The following SIPA1L1 variants were observed in gnomAD, a reference collection of about 807,000 sequenced individuals.
The protein encoded by SIPA1L1 is signal induced proliferation associated 1 like 1, also known as signal-induced proliferation-associated 1-like protein 1.
A neutral mutation model predicts 162.7 loss-of-function variants in SIPA1L1; 26 were observed. That is an observed-to-expected ratio of 0.16 (90% CI 0.12 to 0.22). The LOEUF (loss-of-function observed/expected upper bound fraction) is 0.22. Ranked by LOEUF, SIPA1L1 falls within the 10% of genes least tolerant of loss-of-function variation. The pLI is 1.00. For synonymous variants in SIPA1L1, 829 were observed against 837.4 expected (o/e 0.99, Z 0.17); for missense variants, 1,874 against 2,241.0 (o/e 0.84, Z 3.31).
intron 2 of SIPA1L1, among the ~76,000 whole-genome samples, chr14:71,344,703 G>T (rs2035982123): frequency 6.6e-6 from 1 of 152,120 alleles, no homozygotes; most frequent in Non-Finnish European, 1.5e-5. Flanking sequence ...GGGACTGTAG[G>T]TGTGCGCCAC....
chr14:71,354,182 T>C (rs1161570889), intron 2 of SIPA1L1, among the ~76,000 whole-genome samples: 1 of 152,128 alleles, frequency 6.6e-6, no homozygotes, highest in African/African-American at 2.4e-5. Context: ...ATCATATCCT[T>C]AATCTTGCAA....
At chr14:71,326,222 T>A (rs1197381480) in intron 2 of SIPA1L1, among the ~76,000 whole-genome samples, 1 of 151,936 alleles carries the variant, frequency 6.6e-6, no homozygotes, top group Admixed American at 6.5e-5. Context: ...TTTTTTTTTT[T>A]TTTTGAGATG....
chr14:71,464,310 T>A (rs2046820495), intron 2 of SIPA1L1, among the ~76,000 whole-genome samples: 1 of 152,084 alleles, frequency 6.6e-6, no homozygotes, highest in Non-Finnish European at 1.5e-5. Context: ...GCAAATAAAC[T>A]ATTAGAACCT....
intron 4 of SIPA1L1, among the ~76,000 whole-genome samples, chr14:71,535,634 CAG>C (rs1276753122): frequency 6.6e-6 from 1 of 151,104 alleles, no homozygotes; most frequent in Non-Finnish European, 1.5e-5. Flanking sequence ...TCTTTTGAGA[CAG>C]AGTCTCAGTC....
At chr14:71,594,515 T>C (rs1022013762) in intron 5 of SIPA1L1, among the ~76,000 whole-genome samples, 3 of 152,258 alleles carry the variant, frequency 2.0e-5, no homozygotes, top group African/African-American at 7.2e-5. Flanking sequence ...CAGTGTTCTT[T>C]AAATATAATT....
intron 2 of SIPA1L1, among the ~76,000 whole-genome samples, chr14:71,396,669 G>A (rs1021095500): frequency 6.6e-6 from 1 of 152,040 alleles, no homozygotes; most frequent in Non-Finnish European, 1.5e-5. Flanking sequence ...TTGCTCTTAA[G>A]CATTAACCCT....
At chr14:71,471,951 G>A (rs551412178) in intron 2 of SIPA1L1, among the ~76,000 whole-genome samples, 7 of 152,348 alleles carry the variant, frequency 4.6e-5, no homozygotes, top group African/African-American at 1.7e-4. Context: ...ACATTTGGAG[G>A]TTGGGTAGAG....
At chr14:71,375,942 A>T (rs1413949956) in intron 2 of SIPA1L1, among the ~76,000 whole-genome samples, 1 of 152,090 alleles carries the variant, frequency 6.6e-6, no homozygotes, top group Non-Finnish European at 1.5e-5. Context: ...ATACCTTTTT[A>T]TATAGTATTG....
At chr14:71,425,179 GT>G (rs2043472994) in intron 2 of SIPA1L1, among the ~76,000 whole-genome samples, 1 of 151,816 alleles carries the variant, frequency 6.6e-6, no homozygotes, top group South Asian at 2.1e-4. Flanking sequence ...GTAAATATTT[GT>G]CAATTTTGTT....
intron 4 of SIPA1L1, among the ~76,000 whole-genome samples, chr14:71,544,222 T>C (rs1174836204): frequency 1.3e-5 from 2 of 151,118 alleles, no homozygotes; most frequent in Admixed American, 6.6e-5. Context: ...CATGTGTATA[T>C]ACATATATCA....
intron 2 of SIPA1L1, among the ~76,000 whole-genome samples, chr14:71,350,948 C>T (rs373148019): frequency 6.6e-6 from 1 of 152,290 alleles, no homozygotes; most frequent in East Asian, 1.9e-4. Context: ...GGAAGAGAAG[C>T]ATTTTGTCCT....
At chr14:71,447,536 T>C (rs2045498297) in intron 2 of SIPA1L1, among the ~76,000 whole-genome samples, 1 of 151,438 alleles carries the variant, frequency 6.6e-6, no homozygotes, top group South Asian at 2.1e-4. Flanking sequence ...TTACTTAATC[T>C]GATTTTTTAA....
At chr14:71,557,937 C>G (rs776766090) in intron 4 of SIPA1L1, among the ~76,000 whole-genome samples, 1 of 152,110 alleles carries the variant, frequency 6.6e-6, no homozygotes, top group Non-Finnish European at 1.5e-5. Context: ...TAACTTACAT[C>G]GTAGGTAATT....
At chr14:71,536,705 CT>C (rs2053936431) in intron 4 of SIPA1L1, among the ~76,000 whole-genome samples, 1 of 152,238 alleles carries the variant, frequency 6.6e-6, no homozygotes, top group African/African-American at 2.4e-5. Context: ...CTGGATTTCA[CT>C]TCTGCAGTTG....
intron 2 of SIPA1L1, among the ~76,000 whole-genome samples, chr14:71,462,487 G>T (rs1417467103): frequency 3.9e-5 from 6 of 152,196 alleles, no homozygotes; most frequent in Non-Finnish European, 7.3e-5. Flanking sequence ...TGAGGAATGT[G>T]TTGCCTCCGA....
chr14:71,575,532 A>G (rs576300501), intron 4 of SIPA1L1, among the ~76,000 whole-genome samples: 26 of 152,356 alleles, frequency 1.7e-4, no homozygotes, highest in African/African-American at 5.8e-4. Context: ...AGGGTAAAAG[A>G]TAAAAATTAT....
chr14:71,410,654 A>G (rs2042340656), intron 2 of SIPA1L1, among the ~76,000 whole-genome samples: 1 of 152,216 alleles, frequency 6.6e-6, no homozygotes, highest in Admixed American at 6.5e-5. Context: ...GTTGGCATTA[A>G]AAACGTTTCA....
At chr14:71,655,820 G>GT (rs555815637) in intron 8 of SIPA1L1, among the ~76,000 whole-genome samples, 65 of 151,930 alleles carry the variant, frequency 4.3e-4, no homozygotes, top group African/African-American at 1.6e-3. Flanking sequence ...GGGGCTGTTT[G>GT]TTTTTTTCTT....
intron 5 of SIPA1L1, among the ~76,000 whole-genome samples, chr14:71,614,372 G>C (rs1222939318): frequency 6.6e-6 from 1 of 152,056 alleles, no homozygotes; most frequent in African/African-American, 2.4e-5. Context: ...CTATACTTCT[G>C]TAATCCTTAA....
Sources: gnomAD v4.1 joint callset for allele counts (sites outside exome capture counted in the v4.1 genomes callset) on GRCh38, gnomAD v4.1.1 for gene constraint, MANE v1.5 for transcripts, NCBI Gene and HGNC (gene_info 2026-07-23, HGNC 2026-07-21) for gene names.